The following ATRNL1 variants were observed in gnomAD, a reference collection of about 807,000 sequenced individuals.
The protein encoded by ATRNL1 is attractin like 1.
A neutral mutation model predicts 182.7 loss-of-function variants in ATRNL1; 95 were observed. The ratio of observed to expected loss-of-function variants is 0.52; its 90% confidence interval spans 0.44 to 0.62. ATRNL1 has a LOEUF of 0.62. Ranked by LOEUF, ATRNL1 falls within the 20% of genes least tolerant of loss-of-function variation. The probability of loss-of-function intolerance (pLI) is 0.00; values close to 1 mark genes in which losing one functional copy is unlikely to be tolerated. For missense variants in ATRNL1, 1,471 were observed against 1,679.5 expected, an observed-to-expected ratio of 0.88 and a Z score of 2.17; for synonymous variants, 576 against 568.3, an observed-to-expected ratio of 1.01 and a Z score of -0.19.
At chr10:115,712,743 C>CT (rs1565309595) in intron 26 of ATRNL1, among the ~76,000 whole-genome samples, 1 of 151,918 alleles carries the variant, frequency 6.6e-6, no homozygotes, top group Admixed American at 6.6e-5. Context: ...TGATGTGCGC[C>CT]TGTAATCCCA....
intron 5 of ATRNL1, among the ~76,000 whole-genome samples, chr10:115,135,125 C>A (rs1300230782): frequency 6.6e-6 from 1 of 152,052 alleles, no homozygotes; most frequent in South Asian, 2.1e-4. Context: ...AAAACGGGCA[C>A]AAGACAGGGA....
intron 19 of ATRNL1, among the ~76,000 whole-genome samples, chr10:115,358,053 A>G (rs886816470): frequency 2.0e-5 from 3 of 151,624 alleles, no homozygotes; most frequent in East Asian, 3.9e-4. Flanking sequence ...CTTGGAGTTC[A>G]TTGCCCTTAT....
intron 28 of ATRNL1, among the ~76,000 whole-genome samples, chr10:115,887,314 A>G (rs1033079170): frequency 2.0e-5 from 3 of 152,164 alleles, no homozygotes; most frequent in African/African-American, 7.2e-5. Context: ...AAAATATCAT[A>G]AACTGGGTAG....
chr10:115,117,631 T>A (rs1193519828), intron 1 of ATRNL1, among the ~76,000 whole-genome samples: 1 of 152,144 alleles, frequency 6.6e-6, no homozygotes, highest in Non-Finnish European at 1.5e-5. Flanking sequence ...TGCTTCCAAA[T>A]CTTGGCTATT....
chr10:115,420,620 TAAAC>T (rs536598136), intron 20 of ATRNL1, among the ~76,000 whole-genome samples: 142 of 152,006 alleles, frequency 9.3e-4, no homozygotes, highest in African/African-American at 3.3e-3. Context: ...ATATCTCAAA[TAAAC>T]AGCCTAATGT....
At chr10:115,661,808 A>G (rs902960881) in intron 26 of ATRNL1, among the ~76,000 whole-genome samples, 3 of 152,116 alleles carry the variant, frequency 2.0e-5, no homozygotes, top group Non-Finnish European at 2.9e-5. Flanking sequence ...TTTAGAGTAC[A>G]TGTGCACAAC....
chr10:115,798,973 C>T lies in ATRNL1; in HGVS notation c.3904-48904C>T, dbSNP rs1035517731. Reference sequence around the variant, plus strand: ...TCCCCAGTAGCTGGGACGACAGGCACGTGCCACCATGCCTGGCTAATTTTT... The same window carrying T: ...TCCCCAGTAGCTGGGACGACAGGCATGTGCCACCATGCCTGGCTAATTTTT... On this transcript the variant is annotated intron_variant, in intron 27 of 28. Transcript: ENST00000355044. Among the ~76,000 whole-genome samples the T allele has an allele frequency of 3.3e-5, 5 of 151,838 alleles. No individual in the cohort carries two copies. The South Asian group carries it at 1.0e-3, about 32-fold the overall frequency.
chr10:115,199,843 TGAATGCTTCTATTCA>T (rs1328913995), intron 8 of ATRNL1, among the ~76,000 whole-genome samples: 2 of 152,326 alleles, frequency 1.3e-5, no homozygotes, highest in South Asian at 2.1e-4. Context: ...AAGAAATGTT[TGAATGCTTCTATTCA>T]GAATGCTTCT....
At chr10:115,268,097 G>A (rs1851684268) in intron 12 of ATRNL1, among the ~76,000 whole-genome samples, 1 of 151,996 alleles carries the variant, frequency 6.6e-6, no homozygotes, top group African/African-American at 2.4e-5. Flanking sequence ...TAGGATCCTT[G>A]TATATTGAAT....
At position 115,617,446 on chromosome 10, in the gene ATRNL1, G is replaced by A. The variant is rs566993796; in HGVS notation, c.3795+67910G>A. 2.2e-4 allele frequency among the ~76,000 whole-genome samples: 33 copies of A among 151,932 alleles called. 1 individual carries two copies. Among genetic ancestry groups the A allele is most frequent in the African/African-American group, 7.0e-4 (29 of 41,362 alleles). ...GCAATTGCGGCTCACTGCAACATCC[G>A]CCTCCTGGATTCAAGCAATTCTAGT... On this transcript the variant is annotated intron_variant, in intron 26 of 28. Coordinates refer to ENST00000355044, the MANE Select transcript of ATRNL1 (RefSeq NM_207303.4).
Position 115,583,407 on chromosome 10 carries a change from G to A in ATRNL1, c.3795+33871G>A, listed in dbSNP as rs1178315632. Among the ~76,000 whole-genome samples the A allele has an allele frequency of 3.7e-5, 4 of 108,262 alleles. 2 individuals are homozygous for A. The highest frequency in any genetic ancestry group is 8.2e-5 in the Non-Finnish European group (4 of 49,060). 71.0% of individuals were successfully genotyped at this position (108,262 alleles called of 152,430 possible). ...GCATGGAATGTTCTTCCATTTGTTT[G>A]TATCCTCTTTTATTTCCTTGAGCAG... On this transcript the variant is annotated intron_variant, in intron 26 of 28. Coordinates refer to ENST00000355044, the MANE Select transcript of ATRNL1 (RefSeq NM_207303.4).
intron 5 of ATRNL1, among the ~76,000 whole-genome samples, chr10:115,133,502 C>T (rs1263692535): frequency 1.3e-5 from 2 of 152,122 alleles, no homozygotes; most frequent in Non-Finnish European, 2.9e-5. Context: ...AGCTGACTAT[C>T]CTAAATATAT....
chr10:115,941,663 T>G (rs913035887), intron 28 of ATRNL1, among the ~76,000 whole-genome samples: 5 of 152,214 alleles, frequency 3.3e-5, no homozygotes, highest in African/African-American at 1.2e-4. Context: ...TATTTGGCTG[T>G]CTCTGGATTA....
At chr10:115,240,924 G>A (rs553554028) in intron 9 of ATRNL1, among the ~76,000 whole-genome samples, 179 of 152,048 alleles carry the variant, frequency 1.2e-3, no homozygotes, top group African/African-American at 4.0e-3. Context: ...TATATCTTGA[G>A]CAAATGTACC....
intron 19 of ATRNL1, among the ~76,000 whole-genome samples, chr10:115,375,510 G>C (rs1351986932): frequency 2.6e-5 from 4 of 151,920 alleles, no homozygotes; most frequent in African/African-American, 9.7e-5. Context: ...TTTGTTAATT[G>C]TTTGGTGATT....
intron 27 of ATRNL1, among the ~76,000 whole-genome samples, chr10:115,742,858 A>T (rs1948177507): frequency 6.6e-6 from 1 of 152,118 alleles, no homozygotes; most frequent in African/African-American, 2.4e-5. Flanking sequence ...GTCCATTCTC[A>T]CACTGCTAAT....
At chr10:115,647,429 G>A (rs1239674673) in intron 26 of ATRNL1, among the ~76,000 whole-genome samples, 8 of 152,048 alleles carry the variant, frequency 5.3e-5, no homozygotes, top group Non-Finnish European at 7.4e-5. Context: ...GTGTAAAAGC[G>A]TTCCTATTTC....
rs561898797 is a variant in ATRNL1 at position 115,132,379 on chromosome 10, C to T, written c.829+2844C>T. On this transcript the variant is annotated intron_variant, in intron 5 of 28. Transcript: ENST00000355044. ...AAGTCTTTGCTATTGTGAATAGTGC[C>T]GCAATAAACATATGTGTGCATGTGT... is the stretch of plus-strand genomic sequence containing the variant. Among the ~76,000 whole-genome samples the T allele has an allele frequency of 9.3e-4, 141 of 152,030 alleles. 1 individual carries two copies. Among genetic ancestry groups the T allele is most frequent in the Admixed American group, 4.0e-3 (61 of 15,262 alleles).
chr10:115,658,905 G>A (rs1213224465), intron 26 of ATRNL1, among the ~76,000 whole-genome samples: 1 of 152,140 alleles, frequency 6.6e-6, no homozygotes, highest in Non-Finnish European at 1.5e-5. Flanking sequence ...TGGCAGAAGG[G>A]GAAGAAAACA....
Sources: allele counts gnomAD v4.1 joint callset (sites outside exome capture counted in the v4.1 genomes callset), GRCh38; gene constraint gnomAD v4.1.1; transcripts MANE v1.5; gene names NCBI Gene and HGNC (gene_info 2026-07-23, HGNC 2026-07-21).